The following SELE variants were observed in gnomAD, a reference collection of about 807,000 sequenced individuals.
The protein encoded by SELE is selectin E.
In SELE, 52 loss-of-function variants were observed where a neutral mutation model predicts 75.8. The ratio of observed to expected loss-of-function variants is 0.69; its 90% CI spans 0.55 to 0.86. The LOEUF (loss-of-function observed/expected upper bound fraction) is 0.86, where lower values mean the gene tolerates loss of function less well. SELE is among the 40% of genes least tolerant of loss of function. SELE has a pLI of 0.00. For synonymous variants in SELE, 285 were observed against 258.7 expected (o/e 1.10, Z -0.98); for missense variants, 754 against 732.7 (o/e 1.03, Z -0.34).
At position 169,729,644 on chromosome 1, in the gene SELE, C is replaced by A. The variant is rs914057721; in HGVS notation, c.745G>T (p.Ala249Ser). 6.2e-6 allele frequency: 10 copies of A among 1,613,970 alleles called. No individual in the cohort carries two copies. Among genetic ancestry groups the A allele is most frequent in the Non-Finnish European group, 8.5e-6 (10 of 1,179,996 alleles). ...VVECDAVTNP[A>S]NGFVECFQNP... is the part of the protein sequence containing the mutation. ...TGGAAACATTCCACGAACCCATTGG[C>A]TGGATTTGTCACAGCATCACACTCA... The change falls in exon 6 of 14, where the codon GCC (alanine) becomes TCC (serine). Residue 249 changes from alanine (A) to serine (S), a missense_variant. By Grantham distance (99) the Ala-to-Ser change is moderately conservative (BLOSUM62 1). Coordinates refer to ENST00000333360, the MANE Select transcript of SELE (RefSeq NM_000450.2).
chr1:169,727,639 A>C, intron 9 of SELE, 100 bp downstream of exon 9: 2 of 1,533,590 alleles, frequency 1.3e-6, no homozygotes, highest in Non-Finnish European at 1.8e-6. Flanking sequence ...AGTTTTCAGC[A>C]TGTAGGAAAT....
rs374671244 is a variant in SELE, at chr1:169,727,972, A to G, written c.1280-45T>C. 8.3e-5 allele frequency: 132 copies of G among 1,593,840 alleles called. No homozygotes were observed. The African/African-American group carries it at 1.6e-3, about 20-fold the overall frequency. ...ACTTTAGAAGTTTGTTTGCATCTCC[A>G]GCAATACGTTTCCCAAGGTAACCAA... On this transcript the variant is annotated intron_variant, in intron 8 of 13. Coordinates refer to ENST00000333360, the MANE Select transcript of SELE (RefSeq NM_000450.2).
In SELE at chr1:169,724,503, C is replaced by T. The variant is rs987628156; in HGVS notation, c.*22G>A. 1.3e-5 allele frequency: 2 copies of T among 152,172 alleles called. No homozygotes were observed. Among genetic ancestry groups the T allele is most frequent in the African/African-American group, 4.8e-5 (2 of 41,422 alleles). 9.4% of individuals were successfully genotyped at this position (152,172 alleles called of 1,614,324 possible). A position where few individuals can be genotyped will look rare whatever the true frequency, so the allele number is the denominator to read the frequency against. ...GTATCCCTCTAGTTCCCCAGATGCA[C>T]CTGTTTCTGTAAATATAAACATGCA... is the stretch of plus-strand genomic sequence containing the variant. On this transcript the variant is annotated 3_prime_UTR_variant, in exon 14 of 14. Coordinates refer to ENST00000333360, the MANE Select transcript of SELE (RefSeq NM_000450.2).
In SELE at chr1:169,727,917, G is replaced by A. The variant is rs779988614; in HGVS notation, c.1290C>T (p.Cys430=). The change falls in exon 9 of 14, where the codon TGC becomes TGT. Residue 430 remains cysteine, a synonymous_variant. Coordinates refer to ENST00000333360, the MANE Select transcript of SELE (RefSeq NM_000450.2). The stretch of plus-strand genomic sequence containing the variant: ...CCTTCGGGGGCTGGTGGACAGCATC[G>A]CATCTCACAGCTGGAACACACGAGA... The part of the protein sequence containing the change: ...NEKPTCEAVR[C]DAVHQPPKGL... 18 of 1,613,124 alleles carry A rather than the reference G, an allele frequency of 1.1e-5. No individual in the cohort carries two copies. The highest frequency in any genetic ancestry group is 1.6e-4 in the Middle Eastern group (1 of 6,078).
intron 4 of SELE, among the ~76,000 whole-genome samples, chr1:169,731,174 C>T (rs966238030): frequency 2.0e-5 from 3 of 152,132 alleles, no homozygotes; most frequent in Admixed American, 6.5e-5. Flanking sequence ...TCAGTGTCAC[C>T]AGCCACATTT....
rs5368 is a variant in SELE at position 169,727,805 on chromosome 1, G to A, written c.1402C>T (p.His468Tyr). The A allele has an allele frequency of 0.11, 173,765 of 1,613,874 alleles. 11,098 individuals are homozygous for A. The highest frequency in any genetic ancestry group is 0.26 in the Admixed American group (15,893 of 60,012). Reference sequence around the variant, plus strand: ...GTGCACTCAAGTTGAGTTGATCCATGTAATTCAAATCCCTCCTCACAGCTG... The same window carrying A: ...GTGCACTCAAGTTGAGTTGATCCATATAATTCAAATCCCTCCTCACAGCTG... ...AFSCEEGFELHGSTQLECTSQ... is the reference protein window; with the variant it reads ...AFSCEEGFELYGSTQLECTSQ... The change falls in exon 9 of 14, where the codon CAT becomes TAT. Residue 468 changes from histidine (H) to tyrosine (Y), a missense_variant. Physicochemically the swap from His to Tyr is moderately conservative, Grantham distance 83 (BLOSUM62 2). Transcript: ENST00000333360.
chr1:169,732,839 G>A lies in SELE; in HGVS notation c.197C>T (p.Ser66Leu), dbSNP rs1280841705. 3 of 1,614,062 alleles carry A rather than the reference G, an allele frequency of 1.9e-6. No homozygotes were observed. The African/African-American group carries it at 4.0e-5, about 22-fold the overall frequency. ...IEYLNSILSY[S>L]PSYYWIGIRK... The stretch of plus-strand genomic sequence containing the variant: ...GATTCCAATCCAGTAATAACTTGGT[G>A]AATAGCTCAATATGGAGTTTAGGTA... Residue 66 changes from serine to leucine, a missense_variant, in exon 3 of 14, where the codon TCA becomes TTA. Physicochemically the swap from Ser to Leu is moderately radical, Grantham distance 145 (BLOSUM62 -2). Transcript: ENST00000333360.
intron 6 of SELE, 38 bp from the exon 7 acceptor site, chr1:169,729,412 G>C: frequency 6.2e-7 from 1 of 1,609,170 alleles, no homozygotes; most frequent in Non-Finnish European, 8.5e-7. Flanking sequence ...GCACGGCCTA[G>C]AATTAGCTTG....
intron 3 of SELE, 45 bp downstream of exon 3, chr1:169,732,570 C>T (rs769494431): frequency 1.5e-5 from 22 of 1,517,032 alleles, no homozygotes; most frequent in Non-Finnish European, 1.6e-5. Context: ...TGCCAAGATG[C>T]CCACACACTG....
chr1:169,733,702 T>C, intron 1 of SELE, 42 bp from the exon 2 acceptor site: 1 of 1,320,534 alleles, frequency 7.6e-7, no homozygotes, highest in South Asian at 1.2e-5. Flanking sequence ...AAGGAAATCG[T>C]GGGTAGCTAG....
chr1:169,727,399 C>T lies in SELE; in HGVS notation c.1595G>A (p.Arg532Gln), dbSNP rs372454290. 16 of 1,613,978 alleles carry T rather than the reference C, an allele frequency of 9.9e-6. No individual in the cohort carries two copies. Among genetic ancestry groups the T allele is most frequent in the Admixed American group, 5.0e-5 (3 of 60,004 alleles). The change falls in exon 10 of 14, where the codon CGG becomes CAG. Residue 532 changes from arginine (R) to glutamine (Q), a missense_variant. Coordinates refer to ENST00000333360, the MANE Select transcript of SELE (RefSeq NM_000450.2). Reference protein sequence around the residue: ...EGWTLNGSAARTCGATGHWSG... With the variant: ...EGWTLNGSAAQTCGATGHWSG... ...CCAGTGTCCTGTGGCTCCACATGTC[C>T]GAGCTGCAGAGCCATTGAGCGTCCA...
At chr1:169,731,616 T>G (rs1648913917) in intron 4 of SELE, 2 of 472,374 alleles carry the variant, frequency 4.2e-6, no homozygotes, top group South Asian at 2.4e-5. Context: ...AAAACTGACA[T>G]AGAGAGTTAA....
chr1:169,730,409 T>C (rs763665825), intron 5 of SELE, 23 bp downstream of exon 5: 5 of 1,550,830 alleles, frequency 3.2e-6, no homozygotes, highest in South Asian at 2.4e-5. Flanking sequence ...CAGAACGTTC[T>C]GTGCATTCTC....
intron 13 of SELE, among the ~76,000 whole-genome samples, chr1:169,724,845 T>C (rs1648706110): frequency 6.6e-6 from 1 of 152,250 alleles, no homozygotes; most frequent in South Asian, 2.1e-4. Flanking sequence ...GAACTCTTTG[T>C]GCTTTCTGCT....
intron 13 of SELE, among the ~76,000 whole-genome samples, chr1:169,724,967 G>A (rs770630748): frequency 6.6e-6 from 1 of 152,208 alleles, no homozygotes; most frequent in Non-Finnish European, 1.5e-5. Flanking sequence ...GGTCGGAGTA[G>A]TTAAGAACAC....
rs1258677816 is a variant in SELE at position 169,727,665 on chromosome 1, T to C, written c.1468+74A>G. 3.9e-6 allele frequency: 6 copies of C among 1,554,514 alleles called. No individual in the cohort carries two copies. In the East Asian group the frequency reaches 1.4e-4, roughly 35 times the overall value. The stretch of plus-strand genomic sequence containing the variant: ...TGTAGGAAATTAGGACCAAACCCCT[T>C]TGGGGCAATCTAGGTTCAGAAACTT... On this transcript the variant is annotated intron_variant, in intron 9 of 13. Coordinates refer to ENST00000333360, the MANE Select transcript of SELE (RefSeq NM_000450.2).
chr1:169,730,662 A>G (rs772921354), intron 4 of SELE, 45 bp from the exon 5 acceptor site: 3 of 1,212,342 alleles, frequency 2.5e-6, no homozygotes, highest in Middle Eastern at 2.1e-4. Context: ...CTCACCTTTA[A>G]CAGATAAGAA....
chr1:169,732,693 A>G lies in SELE; in HGVS notation c.343T>C (p.Tyr115His). 6.2e-7 allele frequency: 1 copy of G among 1,613,870 alleles called. No homozygotes were observed. The highest frequency in any genetic ancestry group is 8.5e-7 in the Non-Finnish European group (1 of 1,179,956). ...RQKDEDCVEI[Y>H]IKREKDVGMW... ...CCCACATCTTTTTCTCTCTTGATGT[A>G]GATCTCCACGCAGTCCTCATCTTTT... The change falls in exon 3 of 14, where the codon TAC becomes CAC. Residue 115 changes from tyrosine (Y) to histidine (H), a missense_variant. Tyr to His is a moderately conservative substitution (Grantham distance 83). Coordinates refer to ENST00000333360, the MANE Select transcript of SELE (RefSeq NM_000450.2).
rs199700651 is a variant in SELE at position 169,727,864 on chromosome 1, A to G, written c.1343T>C (p.Ile448Thr). Residue 448 changes from isoleucine (I) to threonine (T), a missense_variant, in exon 9 of 14, where the codon ATT (isoleucine) becomes ACT (threonine). Ile to Thr is a moderately conservative substitution (Grantham distance 89). Transcript: ENST00000333360. Reference protein sequence around the residue: ...KGLVRCAHSPIGEFTYKSSCA... With the variant: ...KGLVRCAHSPTGEFTYKSSCA... ...AGAGGACTTGTAGGTGAATTCTCCA[A>G]TAGGGGAATGAGCACACCTCACCAA... 14 of 1,614,162 alleles carry G rather than the reference A, an allele frequency of 8.7e-6. No individual in the cohort carries two copies. Among genetic ancestry groups the G allele is most frequent in the East Asian group, 2.2e-5 (1 of 44,872 alleles).
Sources: gnomAD v4.1 joint callset for allele counts (sites outside exome capture counted in the v4.1 genomes callset) on GRCh38, gnomAD v4.1.1 for gene constraint, MANE v1.5 for transcripts, NCBI Gene and HGNC (gene_info 2026-07-23, HGNC 2026-07-21) for gene names.